The following HMGB1 variants were observed in gnomAD, a reference collection of about 807,000 sequenced individuals.
HMGB1 encodes high mobility group box 1.
For synonymous variants in HMGB1, 81 were observed against 84.0 expected (o/e 0.96, Z 0.19); for missense variants, 79 against 253.5 (o/e 0.31, Z 4.67).
upstream of HMGB1, among the ~76,000 whole-genome samples, chr13:30,467,963 A>G (rs1886838341): frequency 1.3e-5 from 2 of 152,190 alleles, no homozygotes; most frequent in Admixed American, 1.3e-4. Flanking sequence ...TGATATGGTG[A>G]GTAATAGGCA....
intron 1 of HMGB1, among the ~76,000 whole-genome samples, chr13:30,481,581 C>A (rs920296962): frequency 6.6e-6 from 1 of 152,220 alleles, no homozygotes; most frequent in Admixed American, 6.5e-5. Flanking sequence ...CCCATCATAC[C>A]TTAGGACTAT....
chr13:30,489,891 T>C (rs1369790272), intron 1 of HMGB1, among the ~76,000 whole-genome samples: 1 of 151,912 alleles, frequency 6.6e-6, no homozygotes, highest in Non-Finnish European at 1.5e-5. Flanking sequence ...TGCACCACCA[T>C]GCCCGGCTAA....
chr13:30,564,886 C>A (rs1870125285), intron 1 of HMGB1, among the ~76,000 whole-genome samples: 1 of 152,088 alleles, frequency 6.6e-6, no homozygotes, highest in Non-Finnish European at 1.5e-5. Context: ...TCTAACAATC[C>A]CACTGCAAAA....
Position 30,559,954 on chromosome 13 carries a change from G to A in HMGB1, c.-15+56717C>T, listed in dbSNP as rs1190136898. On this transcript the variant is annotated intron_variant, in intron 1 of 4. Coordinates refer to the HMGB1 transcript ENST00000405805. The surrounding 1 kb of genome is among the most constrained non-coding windows in gnomAD (Gnocchi z 6.6). ...AGTGAGATGGATGATGCCTTCACAT[G>A]ACTCAGATGTCACGTGTTTCTCACC... 1.3e-5 allele frequency among the ~76,000 whole-genome samples: 2 copies of A among 152,206 alleles called. No individual in the cohort carries two copies. The highest frequency in any genetic ancestry group is 6.8e-3 in the Middle Eastern group (2 of 294).
intron 2 of HMGB1, 25 bp downstream of exon 2, chr13:30,463,506 G>A (rs766586201): frequency 1.9e-6 from 3 of 1,596,070 alleles, no homozygotes; most frequent in Non-Finnish European, 2.6e-6. Flanking sequence ...TAATTACCTT[G>A]TTAGCATGTT....
chr13:30,581,544 C>T (rs1467925598), intron 1 of HMGB1, among the ~76,000 whole-genome samples: 2 of 152,192 alleles, frequency 1.3e-5, no homozygotes, highest in African/African-American at 4.8e-5. Context: ...AAATACTTAT[C>T]ATCTGACCTT....
intron 1 of HMGB1, among the ~76,000 whole-genome samples, chr13:30,533,422 A>C (rs1888541244): frequency 6.6e-6 from 1 of 152,144 alleles, no homozygotes; most frequent in Admixed American, 6.5e-5. Context: ...CAGAGTGCAG[A>C]GGTGTGATCT....
Position 30,562,728 on chromosome 13 carries a change from CATCTGAAGCTG to C in HMGB1, c.-15+53932_-15+53942del, listed in dbSNP as rs1276194853. The stretch of plus-strand genomic sequence containing the variant: ...CACTGAGGTCAGGGCATGGCCAACA[CATCTGAAGCTG>C]ATAGAATTGGCGCTGGGTTGGTTGG... On this transcript the variant is annotated intron_variant, in intron 1 of 4. Coordinates refer to the HMGB1 transcript ENST00000405805. 4.6e-5 allele frequency among the ~76,000 whole-genome samples: 7 copies of C among 152,284 alleles called. No individual in the cohort carries two copies. In the East Asian group the frequency reaches 1.3e-3, roughly 29 times the overall value.
In HMGB1 at chr13:30,460,464, C is replaced by A. The variant is rs1375947585; in HGVS notation, c.*893G>T. 1.3e-5 allele frequency: 2 copies of A among 151,372 alleles called. No homozygotes were observed. The highest frequency in any genetic ancestry group is 3.0e-5 in the Non-Finnish European group (2 of 67,702). The allele number at this position is 151,372 out of a possible 1,614,324, so 9.4% of individuals were successfully genotyped here. ...CGCTTTTGGGGATACATTCTCAGGTCTTCTTTAATGTGGGAACTGCAAAAT... is the reference window on the plus strand; with the variant it reads ...CGCTTTTGGGGATACATTCTCAGGTATTCTTTAATGTGGGAACTGCAAAAT... On this transcript the variant is annotated 3_prime_UTR_variant, in exon 5 of 5. Transcript: ENST00000341423.
chr13:30,472,147 C>T (rs770164479), intron 1 of HMGB1, among the ~76,000 whole-genome samples: 1 of 151,846 alleles, frequency 6.6e-6, no homozygotes, highest in Non-Finnish European at 1.5e-5. Flanking sequence ...GGTGTGATGG[C>T]GCATGCCTGT....
rs556845103 is a variant in HMGB1, at chr13:30,559,152, T to TG, written c.-15+57518dup. On this transcript the variant is annotated intron_variant, in intron 1 of 4. Transcript: ENST00000405805. This position sits in a 1 kb window ranked among gnomAD's most constrained non-coding sequence, Gnocchi z 6.6. ...CTTACATTGCCAAATGTACCTGGGG[T>TG]GGGGGGTGCGGGTGGAGGAAAAATT... Among the ~76,000 whole-genome samples, 1 of 151,350 alleles carries TG rather than the reference T, an allele frequency of 6.6e-6. No homozygotes were observed. Among genetic ancestry groups the TG allele is most frequent in the Non-Finnish European group, 1.5e-5 (1 of 67,836 alleles).
At chr13:30,583,988 T>A (rs1871032729) in intron 1 of HMGB1, among the ~76,000 whole-genome samples, 1 of 146,870 alleles carries the variant, frequency 6.8e-6, no homozygotes, top group Non-Finnish European at 1.5e-5. Context: ...CTGGAGAGAG[T>A]GAGACCTTGT....
chr13:30,462,406 A>G, intron 4 of HMGB1, 132 bp downstream of exon 4: 1 of 807,478 alleles, frequency 1.2e-6, no homozygotes, highest in Non-Finnish European at 2.2e-6. Flanking sequence ...CATTCTTTGA[A>G]GGATGAGGAC....
At chr13:30,472,477 T>G (rs554054133) in intron 1 of HMGB1, among the ~76,000 whole-genome samples, 9 of 152,160 alleles carry the variant, frequency 5.9e-5, no homozygotes, top group Admixed American at 1.3e-4. Context: ...GGCGCACACC[T>G]GTACTCCCAG....
chr13:30,544,394 A>C (rs1869048329), intron 1 of HMGB1, among the ~76,000 whole-genome samples: 1 of 152,234 alleles, frequency 6.6e-6, no homozygotes, highest in Non-Finnish European at 1.5e-5. Flanking sequence ...CACCAGAAAG[A>C]ACAAGGCAAG....
chr13:30,602,234 A>G (rs1173903966), intron 1 of HMGB1, among the ~76,000 whole-genome samples: 2 of 152,090 alleles, frequency 1.3e-5, no homozygotes, highest in Admixed American at 6.5e-5. Context: ...ACAGCCTCAG[A>G]CATGTCATCG....
intron 1 of HMGB1, chr13:30,464,634 G>C: frequency 3.0e-6 from 3 of 983,928 alleles, no homozygotes; most frequent in Non-Finnish European, 3.6e-6. Context: ...AGCCCCGCTC[G>C]AAATGGGGGC....
chr13:30,495,722 C>T (rs1244162867), intron 1 of HMGB1, among the ~76,000 whole-genome samples: 1 of 152,226 alleles, frequency 6.6e-6, no homozygotes, highest in East Asian at 1.9e-4. Flanking sequence ...CTGTGATCCG[C>T]CCGCGTTGGC....
intron 1 of HMGB1, among the ~76,000 whole-genome samples, chr13:30,490,804 G>A (rs17663098): frequency 0.049 from 7,483 of 151,866 alleles, 245 homozygotes; most frequent in Non-Finnish European, 0.075. Context: ...ATCAGGAAAT[G>A]ATATGCAAAC....
Sources: gnomAD v4.1 joint callset for allele counts (sites outside exome capture counted in the v4.1 genomes callset) on GRCh38, gnomAD v4.1.1 for gene constraint, Gnocchi (gnomAD v3.1) non-coding constraint, MANE v1.5 for transcripts, NCBI Gene and HGNC (gene_info 2026-07-23, HGNC 2026-07-21) for gene names.